HAUS8: variants seen among roughly 807,000 people sequenced by gnomAD.
HAUS8 encodes HAUS augmin-like complex subunit 8.
In HAUS8, 38 loss-of-function variants were observed where a neutral mutation model predicts 42.9. That is an observed-to-expected ratio of 0.89 (90% confidence interval 0.68 to 1.16). The LOEUF (loss-of-function observed/expected upper bound fraction) is 1.16. Among genes scored for constraint, HAUS8 ranks in the 50% most tolerant of loss-of-function variants. The probability of loss-of-function intolerance (pLI) is 0.00; values close to 1 mark genes in which losing one functional copy is unlikely to be tolerated. For missense variants in HAUS8, 494 were observed against 511.6 expected, an observed-to-expected ratio of 0.97 and a Z score of 0.33; for synonymous variants, 199 against 205.8, an observed-to-expected ratio of 0.97 and a Z score of 0.28.
chr19:17,055,137 A>C (rs1474540075), intron 9 of HAUS8: 1 of 33,324 alleles, frequency 3.0e-5, no homozygotes, highest in Non-Finnish European at 5.1e-5. Context: ...AAAAAAAAAA[A>C]AAAAAAATAT....
In HAUS8 at chr19:17,061,768, C is replaced by T. The variant is rs371968032; in HGVS notation, c.229+930G>A. ...AACACATCTCCAGACACTGCCTAAG[C>T]GTTCCCTGGGGGTCAGAATCGCCCT... On this transcript the variant is annotated intron_variant, in intron 4 of 10. Transcript: ENST00000253669. Among the ~76,000 whole-genome samples, 5 of 152,298 alleles carry T rather than the reference C, an allele frequency of 3.3e-5. No homozygotes were observed. In the South Asian group the frequency reaches 8.3e-4, roughly 25 times the overall value.
rs186541488 is a variant in HAUS8 at position 17,062,207 on chromosome 19, G to A, written c.229+491C>T. Among the ~76,000 whole-genome samples the A allele has an allele frequency of 1.8e-3, 278 of 152,246 alleles. 3 individuals carry two copies. The highest frequency in any genetic ancestry group is 6.4e-3 in the African/African-American group (267 of 41,536). On this transcript the variant is annotated intron_variant, in intron 4 of 10. Coordinates refer to ENST00000253669, the MANE Select transcript of HAUS8 (RefSeq NM_033417.2). Reference sequence around the variant, plus strand: ...GCAATCTCGGCTCACTGCAACCTCCGCCTCCCAGGTTCAAGCGATTCGCCT... The same window carrying A: ...GCAATCTCGGCTCACTGCAACCTCCACCTCCCAGGTTCAAGCGATTCGCCT...
Position 17,059,597 on chromosome 19 carries a change from G to A in HAUS8, c.380C>T (p.Pro127Leu). 6.2e-7 allele frequency: 1 copy of A among 1,613,888 alleles called. No individual in the cohort carries two copies. The highest frequency in any genetic ancestry group is 1.3e-5 in the African/African-American group (1 of 74,984). The change falls in exon 6 of 11, where the codon CCT becomes CTT. Residue 127 changes from proline (P) to leucine (L), a missense_variant. Physicochemically the swap from Pro to Leu is moderately conservative, Grantham distance 98. Transcript: ENST00000253669. ...AGGGGCAGAAAATGATGTTGACTCAGGTTTCTTTGATATTGTTTTTGCTAA... is the reference window on the plus strand; with the variant it reads ...AGGGGCAGAAAATGATGTTGACTCAAGTTTCTTTGATATTGTTTTTGCTAA... ...PQLAKTISKK[P>L]ESTSFSAPRK...
chr19:17,075,531 G>T, upstream of HAUS8: 1 of 1,227,572 alleles, frequency 8.1e-7, no homozygotes, highest in Non-Finnish European at 1.2e-6. Context: ...GTGGCTGCGA[G>T]GCGTGAGGCA....
rs763182175 is a variant in HAUS8 at position 17,058,566 on chromosome 19, C to T, written c.628G>A (p.Asp210Asn). The change falls in exon 8 of 11, where the codon GAT becomes AAT. Residue 210 changes from aspartate to asparagine, a missense_variant. By Grantham distance (23) the Asp-to-Asn change is conservative (BLOSUM62 1). Transcript: ENST00000253669. ...LLSQRKRELA[D>N]VLDAQIEMLS... The stretch of plus-strand genomic sequence containing the variant: ...CAACTGACCTGGGCATCCAGGACAT[C>T]TGCCAGCTCCCGCTTCCTCTGAGAG... 2 of 1,601,458 alleles carry T rather than the reference C, an allele frequency of 1.2e-6. No homozygotes were observed. Among genetic ancestry groups the T allele is most frequent in the Admixed American group, 3.6e-5 (2 of 56,322 alleles).
chr19:17,062,919 C>T lies in HAUS8; in HGVS notation c.148-140G>A. The T allele has an allele frequency of 4.7e-6, 3 of 637,362 alleles. 1 individual carries two copies. In the Admixed American group the frequency reaches 8.5e-5, roughly 18 times the overall value. The allele number at this position is 637,362 out of a possible 1,614,324, so 39.5% of individuals were successfully genotyped here. On this transcript the variant is annotated intron_variant, in intron 3 of 10. Transcript: ENST00000253669. ...CATTTAAAGAGGTTTGAAATCTTAC[C>T]TCATATACACAGGACAAACAAATTT...
At chr19:17,052,675 CA>C in intron 10 of HAUS8, 149 bp downstream of exon 10, 1 of 764,874 alleles carries the variant, frequency 1.3e-6, no homozygotes, top group East Asian at 2.5e-5. Context: ...ATTCTTGTAT[CA>C]TGCAGCGTCT....
intron 5 of HAUS8, 77 bp downstream of exon 5, chr19:17,059,920 C>G: frequency 9.7e-7 from 1 of 1,028,218 alleles, no homozygotes; most frequent in Admixed American, 1.8e-5. Context: ...CACTGTAGGC[C>G]AATTGTACTT....
intron 1 of HAUS8, 57 bp downstream of exon 1, chr19:17,075,337 C>T: frequency 1.3e-6 from 2 of 1,592,926 alleles, no homozygotes; most frequent in East Asian, 4.5e-5. Flanking sequence ...CTCCGCTGCC[C>T]ATCCTCTCCA....
intron 8 of HAUS8, among the ~76,000 whole-genome samples, chr19:17,057,879 G>C (rs1321191547): frequency 6.6e-6 from 1 of 152,156 alleles, no homozygotes; most frequent in Non-Finnish European, 1.5e-5. Context: ...GTGGGGAAAG[G>C]GGGACACAGA....
chr19:17,053,685 CAG>C (rs2057302478), intron 9 of HAUS8: 1 of 142,072 alleles, frequency 7.0e-6, no homozygotes, highest in African/African-American at 2.6e-5. Flanking sequence ...TTTTTTGAGA[CAG>C]AGTCTTGCTC....
chr19:17,059,444 T>C (rs1408345701), intron 6 of HAUS8, 113 bp downstream of exon 6: 1 of 714,352 alleles, frequency 1.4e-6, no homozygotes, highest in African/African-American at 1.8e-5. Flanking sequence ...CTAAAGGGCA[T>C]GGGTGTCTTT....
At chr19:17,073,227 T>G in intron 2 of HAUS8, 47 bp downstream of exon 2, 1 of 1,539,412 alleles carries the variant, frequency 6.5e-7, no homozygotes, top group Non-Finnish European at 9.0e-7. Flanking sequence ...AAGCACGTAA[T>G]GAAAGAAGAA....
chr19:17,061,870 T>C (rs1231328449), intron 4 of HAUS8, among the ~76,000 whole-genome samples: 2 of 152,228 alleles, frequency 1.3e-5, no homozygotes, highest in Non-Finnish European at 2.9e-5. Flanking sequence ...GCTTCATGCA[T>C]GGCCTTCAAC....
intron 1 of HAUS8, chr19:17,075,089 C>G (rs534062730): frequency 3.1e-5 from 15 of 476,876 alleles, no homozygotes; most frequent in Non-Finnish European, 5.3e-5. Flanking sequence ...GCGACGCCTA[C>G]GAGGTTGAGC....
At chr19:17,073,660 T>C (rs1207602263) in intron 1 of HAUS8, 2 of 313,244 alleles carry the variant, frequency 6.4e-6, no homozygotes, top group Non-Finnish European at 1.2e-5. Context: ...TATATTCCAG[T>C]AGAGACACAG....
At chr19:17,071,965 G>C (rs972589859) in intron 2 of HAUS8, among the ~76,000 whole-genome samples, 2 of 152,126 alleles carry the variant, frequency 1.3e-5, no homozygotes, top group Admixed American at 1.3e-4. Context: ...CAGCCTGGGT[G>C]ACAGAGCGAG....
At position 17,060,088 on chromosome 19, in the gene HAUS8, A is replaced by G. The variant is rs537532890; in HGVS notation, c.234T>C (p.Asp78=). Residue 78 remains aspartate, a synonymous_variant, in exon 5 of 11, where the codon GAT becomes GAC. Transcript: ENST00000253669. The part of the protein sequence containing the change: ...KSSLLQKSKA[D]SSGVGKGDLQ... ...GGTCACCCTTTCCGACCCCACTGCT[A>G]TCTGCTGTTAAGAAAAGAATCCCCG... 4 of 1,608,312 alleles carry G rather than the reference A, an allele frequency of 2.5e-6. No individual in the cohort carries two copies. The East Asian group carries it at 6.7e-5, about 27-fold the overall frequency.
chr19:17,068,956 T>C (rs1308280212), intron 3 of HAUS8, 75 bp downstream of exon 3: 1 of 1,360,886 alleles, frequency 7.3e-7, no homozygotes, highest in Admixed American at 1.9e-5. Flanking sequence ...CCACCTCCCA[T>C]GACTAGTTTC....
Sources: allele counts gnomAD v4.1 joint callset (sites outside exome capture counted in the v4.1 genomes callset), GRCh38; gene constraint gnomAD v4.1.1; transcripts MANE v1.5; gene names NCBI Gene and HGNC (gene_info 2026-07-23, HGNC 2026-07-21).